Variants in HS3ST3A1 observed in about 807,000 individuals in gnomAD.
HS3ST3A1 encodes the protein heparan sulfate glucosamine 3-O-sulfotransferase 3A1.
HS3ST3A1 carries 19 observed loss-of-function variants against 25.7 expected under a neutral mutation model. That is an observed-to-expected ratio of 0.74 (90% confidence interval 0.52 to 1.08). The LOEUF (loss-of-function observed/expected upper bound fraction) is 1.08, where lower values mean the gene tolerates loss of function less well. Ranked by LOEUF, HS3ST3A1 falls within the 50% of genes least tolerant of loss-of-function variation. HS3ST3A1 has a pLI of 0.00. For synonymous variants in HS3ST3A1, 226 were observed against 278.6 expected (o/e 0.81, Z 1.88); for missense variants, 459 against 594.3 (o/e 0.77, Z 2.37).
chr17:13,503,752 C>T (rs996321431), intron 1 of HS3ST3A1, among the ~76,000 whole-genome samples: 4 of 152,208 alleles, frequency 2.6e-5, no homozygotes, highest in Non-Finnish European at 5.9e-5. Context: ...GGAACTGGCA[C>T]TTTGGTGGTT....
chr17:13,595,596 T>C (rs1003570298), intron 1 of HS3ST3A1, among the ~76,000 whole-genome samples: 9 of 152,224 alleles, frequency 5.9e-5, no homozygotes, highest in African/African-American at 1.9e-4. Flanking sequence ...AAACCTTATG[T>C]TCACAATTGC....
intron 1 of HS3ST3A1, among the ~76,000 whole-genome samples, chr17:13,596,238 T>C (rs545139504): frequency 1.3e-5 from 2 of 152,250 alleles, no homozygotes; most frequent in East Asian, 1.9e-4. Flanking sequence ...CCAAGTGTTT[T>C]TGGTGTTGTT....
intron 1 of HS3ST3A1, among the ~76,000 whole-genome samples, chr17:13,582,012 A>G (rs1164181995): frequency 6.6e-6 from 1 of 152,096 alleles, no homozygotes; most frequent in Non-Finnish European, 1.5e-5. Context: ...TTTTCTTCCT[A>G]TTTTAAAATT....
At chr17:13,593,560 G>A (rs1391413251) in intron 1 of HS3ST3A1, among the ~76,000 whole-genome samples, 1 of 152,200 alleles carries the variant, frequency 6.6e-6, no homozygotes, top group Non-Finnish European at 1.5e-5. Context: ...CAGGGGAGGG[G>A]AAGCTGGTGG....
In HS3ST3A1 at chr17:13,496,794, G is replaced by A. The variant is rs369654526; in HGVS notation, c.624C>T (p.Asp208=). The A allele has an allele frequency of 5.6e-6, 9 of 1,613,442 alleles. No individual in the cohort carries two copies. The highest frequency in any genetic ancestry group is 1.1e-5 in the South Asian group (1 of 91,020). ...WYRDLMPRTL[D]GQITMEKTPS... ...GCGTCTTCTCCATGGTGATCTGCCC[G>A]TCCAGGGTTCTGGGCATCAGGTCCC... is the stretch of plus-strand genomic sequence containing the variant. The change falls in exon 2 of 2, where the codon GAC becomes GAT. Residue 208 remains aspartate, a synonymous_variant. Coordinates refer to ENST00000284110, the MANE Select transcript of HS3ST3A1 (RefSeq NM_006042.3).
chr17:13,600,838 T>C lies in HS3ST3A1; in HGVS notation c.292A>G (p.Arg98Gly), dbSNP rs1908710183. Reference sequence around the variant, plus strand: ...TCGCGGGGCGCGGGCGGCCGGCGCCTCCGCCACTGCGGCAGTTGCAGGAGG... The same window carrying C: ...TCGCGGGGCGCGGGCGGCCGGCGCCCCCGCCACTGCGGCAGTTGCAGGAGG... ...KRLLQLPQWR[R>G]RRPPAPRDDG... is the part of the protein sequence containing the mutation. Residue 98 changes from arginine (R) to glycine (G), a missense_variant, in exon 1 of 2, where the codon AGG becomes GGG. Transcript: ENST00000284110. 1.4e-6 allele frequency: 2 copies of C among 1,421,490 alleles called. No individual in the cohort carries two copies. Among genetic ancestry groups the C allele is most frequent in the African/African-American group, 3.0e-5 (2 of 65,966 alleles). The allele number at this position is 1,421,490 out of a possible 1,614,324, so 88.1% of individuals were successfully genotyped here.
intron 1 of HS3ST3A1, among the ~76,000 whole-genome samples, chr17:13,535,745 A>G (rs774396074): frequency 1.1e-4 from 16 of 152,228 alleles, no homozygotes; most frequent in Non-Finnish European, 1.9e-4. Context: ...CCTCTTAAAA[A>G]AAATCTTTCT....
chr17:13,497,254 A>T (rs1317879059), intron 1 of HS3ST3A1, among the ~76,000 whole-genome samples: 1 of 152,240 alleles, frequency 6.6e-6, no homozygotes, highest in African/African-American at 2.4e-5. Flanking sequence ...TAGTTTTCTT[A>T]TAAACAAAGC....
At chr17:13,575,674 T>C (rs1046228554) in intron 1 of HS3ST3A1, among the ~76,000 whole-genome samples, 1 of 152,070 alleles carries the variant, frequency 6.6e-6, no homozygotes, top group African/African-American at 2.4e-5. Context: ...GGGAGGGAAA[T>C]TGTATTGGAA....
rs752713332 is a variant in HS3ST3A1, at chr17:13,600,993, C to T, written c.137G>A (p.Cys46Tyr). The T allele has an allele frequency of 1.7e-5, 27 of 1,573,188 alleles. No homozygotes were observed. Among genetic ancestry groups the T allele is most frequent in the Non-Finnish European group, 2.2e-5 (26 of 1,159,628 alleles). ...LYVFYCLAERCQTLSGPVVGL... is the reference protein window; with the variant it reads ...LYVFYCLAERYQTLSGPVVGL... ...CACGACGGGGCCGGACAGGGTCTGGCAGCGCTCGGCCAGGCAGTAGAAGAC... is the reference window on the plus strand; with the variant it reads ...CACGACGGGGCCGGACAGGGTCTGGTAGCGCTCGGCCAGGCAGTAGAAGAC... The change falls in exon 1 of 2, where the codon TGC (cysteine) becomes TAC (tyrosine). Residue 46 changes from cysteine to tyrosine, a missense_variant. Cys to Tyr is a radical substitution (Grantham distance 194). Coordinates refer to ENST00000284110, the MANE Select transcript of HS3ST3A1 (RefSeq NM_006042.3).
At position 13,558,550 on chromosome 17, in the gene HS3ST3A1, C is replaced by T. The variant is rs895077131; in HGVS notation, c.599+41981G>A. The stretch of plus-strand genomic sequence containing the variant: ...TGTTAAAAAAGATGATTATCTCGAG[C>T]GAAGGAAGGCAGAGGGTGGAATCTG... On this transcript the variant is annotated intron_variant, in intron 1 of 1. Coordinates refer to ENST00000284110, the MANE Select transcript of HS3ST3A1 (RefSeq NM_006042.3). Among the ~76,000 whole-genome samples the T allele has an allele frequency of 6.6e-5, 10 of 151,952 alleles. 1 individual carries two copies. The highest frequency in any genetic ancestry group is 1.4e-4 in the African/African-American group (6 of 41,390).
At chr17:13,508,361 A>C (rs988872837) in intron 1 of HS3ST3A1, among the ~76,000 whole-genome samples, 1 of 152,242 alleles carries the variant, frequency 6.6e-6, no homozygotes, top group Non-Finnish European at 1.5e-5. Flanking sequence ...GGGGAACCTC[A>C]TGAAAAGATA....
chr17:13,564,038 C>T (rs977945300), intron 1 of HS3ST3A1, among the ~76,000 whole-genome samples: 4 of 152,106 alleles, frequency 2.6e-5, no homozygotes, highest in South Asian at 2.1e-4. Context: ...GCTGAATTAC[C>T]ATTGCTCTTC....
chr17:13,589,946 A>T (rs749397047), intron 1 of HS3ST3A1, among the ~76,000 whole-genome samples: 5 of 152,230 alleles, frequency 3.3e-5, no homozygotes, highest in Non-Finnish European at 7.3e-5. Flanking sequence ...TGACTTTGTC[A>T]TTCAAACCAG....
At position 13,496,338 on chromosome 17, in the gene HS3ST3A1, C is replaced by T. The variant is rs200644583; in HGVS notation, c.1080G>A (p.Arg360=). 1.4e-5 allele frequency: 21 copies of T among 1,540,364 alleles called. No individual in the cohort carries two copies. In the East Asian group the frequency reaches 4.1e-4, roughly 30 times the overall value. The change falls in exon 2 of 2, where the codon CGG becomes CGA. Residue 360 remains arginine (R), a synonymous_variant. Coordinates refer to ENST00000284110, the MANE Select transcript of HS3ST3A1 (RefSeq NM_006042.3). ...CCTTGGTCTTGCCCAGGCAATGGGG[C>T]CGGCTGCTGCCCTCCGCCTTCTTCA... The part of the protein sequence containing the change: ...PCLKKAEGSS[R]PHCLGKTKGR...
At chr17:13,541,530 T>TA (rs1193640378) in intron 1 of HS3ST3A1, among the ~76,000 whole-genome samples, 4 of 152,120 alleles carry the variant, frequency 2.6e-5, no homozygotes, top group African/African-American at 9.7e-5. Context: ...CACATTCTAA[T>TA]AAAAAAAGAG....
rs1270678510 is a variant in HS3ST3A1, at chr17:13,560,494, CTAAG to C, written c.599+40033_599+40036del. 2.0e-5 allele frequency among the ~76,000 whole-genome samples: 3 copies of C among 151,852 alleles called. No homozygotes were observed. In the East Asian group the frequency reaches 5.8e-4, roughly 29 times the overall value. On this transcript the variant is annotated intron_variant, in intron 1 of 1. Transcript: ENST00000284110. The stretch of plus-strand genomic sequence containing the variant: ...ATTACCTACAAACAAAAACATTCTC[CTAAG>C]TAATCATAATACAATCATCATACTC...
intron 1 of HS3ST3A1, among the ~76,000 whole-genome samples, chr17:13,569,039 G>GT (rs1458582502): frequency 1.3e-5 from 2 of 152,138 alleles, no homozygotes; most frequent in Non-Finnish European, 2.9e-5. Flanking sequence ...GGGAGGCAGG[G>GT]TTTTCTAATC....
rs1280193141 is a variant in HS3ST3A1, at chr17:13,590,339, A to AC, written c.599+10191_599+10192insG. Among the ~76,000 whole-genome samples the AC allele has an allele frequency of 2.1e-3, 315 of 152,110 alleles. 1 individual carries two copies. Among genetic ancestry groups the AC allele is most frequent in the African/African-American group, 7.3e-3 (303 of 41,488 alleles). On this transcript the variant is annotated intron_variant, in intron 1 of 1. Transcript: ENST00000284110. ...GCTCTGTGAGGTTAAAAAAAAAAAAAAAAACTATGCTACGACTGGTTCCAT... is the reference window on the plus strand; with the variant it reads ...GCTCTGTGAGGTTAAAAAAAAAAAAACAAAACTATGCTACGACTGGTTCCAT...
Sources: gnomAD v4.1 joint callset for allele counts (sites outside exome capture counted in the v4.1 genomes callset) on GRCh38, gnomAD v4.1.1 for gene constraint, MANE v1.5 for transcripts, NCBI Gene and HGNC (gene_info 2026-07-23, HGNC 2026-07-21) for gene names.